Variants in ZNF804B observed in about 807,000 individuals in gnomAD.
The protein encoded by ZNF804B is zinc finger 804B.
In ZNF804B, 80 loss-of-function variants were observed where a neutral mutation model predicts 101.4. The ratio of observed to expected loss-of-function variants is 0.79; its 90% CI spans 0.66 to 0.95. The LOEUF (loss-of-function observed/expected upper bound fraction) is 0.95, where lower values mean the gene tolerates loss of function less well. Among genes scored for constraint, ZNF804B ranks in the 40% least tolerant of loss-of-function variants. The pLI, the probability that ZNF804B is intolerant of heterozygous loss-of-function variation, is 0.00. For missense variants in ZNF804B, 1,673 were observed against 1,561.9 expected, an observed-to-expected ratio of 1.07 and a Z score of -1.20; for synonymous variants, 622 against 558.8, an observed-to-expected ratio of 1.11 and a Z score of -1.59.
chr7:89,282,199 T>TAAA (rs142207896), intron 2 of ZNF804B, among the ~76,000 whole-genome samples: 14,404 of 108,750 alleles, frequency 0.13, 1,197 homozygotes, highest in Middle Eastern at 0.23. Context: ...AGACTCCGTC[T>TAAA]AAAAAAAAAA....
chr7:88,846,712 A>G (rs1336825320), intron 1 of ZNF804B, among the ~76,000 whole-genome samples: 3 of 152,230 alleles, frequency 2.0e-5, no homozygotes, highest in African/African-American at 7.2e-5. Flanking sequence ...AAAAAAGGGT[A>G]TATGTCTATA....
chr7:88,841,501 T>C (rs1162671191), intron 1 of ZNF804B, among the ~76,000 whole-genome samples: 1 of 152,206 alleles, frequency 6.6e-6, no homozygotes, highest in Non-Finnish European at 1.5e-5. Flanking sequence ...TAATATGTCT[T>C]GACTCCACTG....
Position 89,336,622 on chromosome 7 carries a change from C to T in ZNF804B, c.3640C>T (p.Leu1214=). The T allele has an allele frequency of 1.2e-6, 2 of 1,614,100 alleles. No individual in the cohort carries two copies. Among genetic ancestry groups the T allele is most frequent in the Non-Finnish European group, 1.7e-6 (2 of 1,179,990 alleles). The change falls in exon 4 of 4, where the codon CTG becomes TTG. Residue 1214 remains leucine, a synonymous_variant. Coordinates refer to ENST00000333190, the MANE Select transcript of ZNF804B (RefSeq NM_181646.5). ...TATCACCACCATCCACCACACGTTC[C>T]TGCAGCATTTTGCTGTTTCTGCTTC... ...TSITTIHHTF[L]QHFAVSASLS...
intron 2 of ZNF804B, among the ~76,000 whole-genome samples, chr7:89,299,614 G>A (rs1351319902): frequency 2.0e-5 from 3 of 151,954 alleles, no homozygotes; most frequent in African/African-American, 4.8e-5. Flanking sequence ...GGCTTATTCA[G>A]AGTGCTTTTC....
chr7:89,000,816 C>T (rs1406701150), intron 1 of ZNF804B, among the ~76,000 whole-genome samples: 1 of 150,480 alleles, frequency 6.6e-6, no homozygotes, highest in Non-Finnish European at 1.5e-5. Flanking sequence ...AGATTTCTTT[C>T]TTTTTTATGG....
chr7:88,828,164 C>T (rs1357122910), intron 1 of ZNF804B, among the ~76,000 whole-genome samples: 3 of 152,204 alleles, frequency 2.0e-5, no homozygotes, highest in South Asian at 4.1e-4. Context: ...GATGCCATAT[C>T]CCCTTTCTAT....
chr7:89,333,964 A>T lies in ZNF804B; in HGVS notation c.982A>T (p.Asn328Tyr). ...IGIHASFSKS[N>Y]IHLSDVDFTP... is the part of the protein sequence containing the mutation. ...CATTCATGCTTCATTCTCTAAATCT[A>T]ACATTCATCTTTCAGATGTAGATTT... The change falls in exon 4 of 4, where the codon AAC becomes TAC. Residue 328 changes from asparagine to tyrosine, a missense_variant. Coordinates refer to ENST00000333190, the MANE Select transcript of ZNF804B (RefSeq NM_181646.5). 1 of 1,613,568 alleles carries T rather than the reference A, an allele frequency of 6.2e-7. No individual in the cohort carries two copies. Among genetic ancestry groups the T allele is most frequent in the East Asian group, 2.2e-5 (1 of 44,858 alleles).
At chr7:89,103,940 G>C (rs920863772) in intron 1 of ZNF804B, among the ~76,000 whole-genome samples, 7 of 151,968 alleles carry the variant, frequency 4.6e-5, no homozygotes, top group African/African-American at 1.7e-4. Context: ...AATCATGAAG[G>C]CATGTTTAAT....
intron 3 of ZNF804B, among the ~76,000 whole-genome samples, chr7:89,332,587 A>G (rs1584130311): frequency 2.6e-5 from 4 of 152,026 alleles, no homozygotes; most frequent in Admixed American, 2.6e-4. Context: ...TTTAATCTAA[A>G]GAATTTTATC....
intron 2 of ZNF804B, among the ~76,000 whole-genome samples, chr7:89,268,412 T>G (rs1039164096): frequency 6.6e-6 from 1 of 152,134 alleles, no homozygotes; most frequent in African/African-American, 2.4e-5. Flanking sequence ...ATCCCACCTA[T>G]GTTAGACTTC....
At chr7:89,154,273 A>G (rs1790921403) in intron 1 of ZNF804B, among the ~76,000 whole-genome samples, 3 of 152,172 alleles carry the variant, frequency 2.0e-5, no homozygotes, top group Non-Finnish European at 2.9e-5. Flanking sequence ...ACACTTATAC[A>G]CCACTGGTGA....
intron 1 of ZNF804B, among the ~76,000 whole-genome samples, chr7:88,854,537 T>TCCCTTCCCTTCCCTTC (rs1554340264): frequency 6.3e-5 from 6 of 95,184 alleles, no homozygotes; most frequent in South Asian, 9.4e-4. Flanking sequence ...TTTCCTTCCT[T>TCCCTTCCCTTCCCTTC]CCTTCCTTCC....
At chr7:89,326,952 A>T (rs1186861511) in intron 2 of ZNF804B, among the ~76,000 whole-genome samples, 2 of 146,606 alleles carry the variant, frequency 1.4e-5, no homozygotes, top group African/African-American at 5.5e-5. Flanking sequence ...TAATAGCATC[A>T]CTTTTACAAG....
intron 2 of ZNF804B, among the ~76,000 whole-genome samples, chr7:89,252,965 A>G (rs1789565152): frequency 6.6e-6 from 1 of 152,188 alleles, no homozygotes; most frequent in Non-Finnish European, 1.5e-5. Flanking sequence ...CCCAAACCTC[A>G]TGTGTCAGAT....
intron 1 of ZNF804B, among the ~76,000 whole-genome samples, chr7:88,918,760 T>C (rs1006194550): frequency 6.6e-6 from 1 of 151,678 alleles, no homozygotes; most frequent in Non-Finnish European, 1.5e-5. Flanking sequence ...GGCCTAAGAG[T>C]GGGATTGGGG....
chr7:89,193,273 G>GTT lies in ZNF804B; in HGVS notation c.109-24871_109-24870dup, dbSNP rs35218765. The stretch of plus-strand genomic sequence containing the variant: ...CCTATCATCTCAGCCCAAAAGCTTC[G>GTT]TTTTTTTTTTTTATAGTCTACTTTC... On this transcript the variant is annotated intron_variant, in intron 1 of 3. Coordinates refer to ENST00000333190, the MANE Select transcript of ZNF804B (RefSeq NM_181646.5). Among the ~76,000 whole-genome samples, 755 of 145,692 alleles carry GTT rather than the reference G, an allele frequency of 5.2e-3. 3 individuals carry two copies. The highest frequency in any genetic ancestry group is 9.0e-3 in the South Asian group (41 of 4,580).
At chr7:88,944,129 A>G (rs1793093279) in intron 1 of ZNF804B, among the ~76,000 whole-genome samples, 1 of 151,806 alleles carries the variant, frequency 6.6e-6, no homozygotes, top group South Asian at 2.1e-4. Context: ...GGAGATATTT[A>G]TGGGATTTTG....
intron 1 of ZNF804B, among the ~76,000 whole-genome samples, chr7:88,782,579 A>T (rs1471035416): frequency 6.6e-6 from 1 of 152,138 alleles, no homozygotes; most frequent in Non-Finnish European, 1.5e-5. Flanking sequence ...CCATTAATTA[A>T]CTAGGAGTCT....
chr7:88,839,046 T>C (rs1028241725), intron 1 of ZNF804B, among the ~76,000 whole-genome samples: 16 of 152,040 alleles, frequency 1.1e-4, no homozygotes, highest in African/African-American at 3.6e-4. Context: ...GATAACTACA[T>C]AGTTGGCGTA....
Sources: allele counts gnomAD v4.1 joint callset (sites outside exome capture counted in the v4.1 genomes callset), GRCh38; gene constraint gnomAD v4.1.1; transcripts MANE v1.5; gene names NCBI Gene and HGNC (gene_info 2026-07-23, HGNC 2026-07-21).